TP53BP1: variants seen among roughly 807,000 people sequenced by gnomAD.
TP53BP1 encodes tumor protein p53 binding protein 1.
TP53BP1 carries 61 observed loss-of-function variants against 200.8 expected under a neutral mutation model. The ratio of observed to expected loss-of-function variants is 0.30; its 90% CI spans 0.25 to 0.38. TP53BP1 has a LOEUF of 0.38. TP53BP1 is among the 10% of genes least tolerant of loss of function. The pLI, the probability that TP53BP1 is intolerant of heterozygous loss-of-function variation, is 1.00. For missense variants in TP53BP1, 2,144 were observed against 2,371.9 expected (o/e 0.90, Z 2.00); for synonymous variants, 822 against 844.3 (o/e 0.97, Z 0.46).
At chr15:43,433,920 G>C (rs1019009260) in intron 16 of TP53BP1, among the ~76,000 whole-genome samples, 1 of 152,140 alleles carries the variant, frequency 6.6e-6, no homozygotes, top group African/African-American at 2.4e-5. Context: ...ACGTAGACAG[G>C]GTAAAGGAAG....
chr15:43,444,792 T>C (rs534389354), intron 14 of TP53BP1, among the ~76,000 whole-genome samples: 3 of 152,342 alleles, frequency 2.0e-5, no homozygotes, highest in East Asian at 1.9e-4. Flanking sequence ...CTATTCTGTG[T>C]AGTCTTCAAT....
At chr15:43,491,047 T>C (rs1174479217) in intron 4 of TP53BP1, among the ~76,000 whole-genome samples, 3 of 151,998 alleles carry the variant, frequency 2.0e-5, no homozygotes, top group Admixed American at 6.6e-5. Context: ...ATGGAAAACA[T>C]GCCTAATAGT....
chr15:43,434,799 GAC>G (rs1326509556), intron 16 of TP53BP1, among the ~76,000 whole-genome samples: 2 of 152,202 alleles, frequency 1.3e-5, no homozygotes, highest in Non-Finnish European at 2.9e-5. Flanking sequence ...AAGAGACTAA[GAC>G]ACCTCAGAAG....
chr15:43,434,004 T>C (rs1250032834), intron 16 of TP53BP1, among the ~76,000 whole-genome samples: 2 of 152,206 alleles, frequency 1.3e-5, no homozygotes, highest in African/African-American at 4.8e-5. Context: ...CTGAGGTTTC[T>C]ATATTGTTTA....
intron 17 of TP53BP1, among the ~76,000 whole-genome samples, chr15:43,429,575 C>T (rs772420846): frequency 6.6e-6 from 1 of 152,020 alleles, no homozygotes; most frequent in Non-Finnish European, 1.5e-5. Context: ...TAGTAATTTA[C>T]CAAAAGCTTT....
intron 11 of TP53BP1, among the ~76,000 whole-genome samples, chr15:43,466,680 G>T (rs920708804): frequency 1.8e-4 from 27 of 152,216 alleles, no homozygotes; most frequent in African/African-American, 6.5e-4. Flanking sequence ...AACATAGTGA[G>T]GTCCCATCTC....
chr15:43,457,429 A>G (rs1336846921), intron 11 of TP53BP1, among the ~76,000 whole-genome samples: 2 of 152,142 alleles, frequency 1.3e-5, no homozygotes, highest in Non-Finnish European at 2.9e-5. Context: ...CAGTTCTCAC[A>G]AAGTGGGGAT....
At chr15:43,455,350 T>C (rs2046268051) in intron 12 of TP53BP1, among the ~76,000 whole-genome samples, 1 of 152,174 alleles carries the variant, frequency 6.6e-6, no homozygotes, top group African/African-American at 2.4e-5. Flanking sequence ...TAAATATTTT[T>C]TACCAACTAG....
At chr15:43,461,282 C>T (rs1484396253) in intron 11 of TP53BP1, among the ~76,000 whole-genome samples, 3 of 151,588 alleles carry the variant, frequency 2.0e-5, no homozygotes, top group South Asian at 4.2e-4. Flanking sequence ...TGCAGTAATG[C>T]GATCATGGCT....
rs563303225 is a variant in TP53BP1 at position 43,483,684 on chromosome 15, G to C, written c.372-2662C>G. 1.8e-4 allele frequency among the ~76,000 whole-genome samples: 27 copies of C among 152,286 alleles called. No homozygotes were observed. The South Asian group carries it at 5.4e-3, about 30-fold the overall frequency. On this transcript the variant is annotated intron_variant, in intron 4 of 27. Transcript: ENST00000382044. ...TAAAGATTTTTACAAAAGCAAAATA[G>C]AACATTATCTATATAACTGGAAGGA... is the stretch of plus-strand genomic sequence containing the variant.
At chr15:43,432,916 T>TA (rs997430472) in intron 16 of TP53BP1, among the ~76,000 whole-genome samples, 1 of 152,084 alleles carries the variant, frequency 6.6e-6, no homozygotes, top group African/African-American at 2.4e-5. Context: ...ACCATGATGA[T>TA]AAAAGAGTCA....
intron 24 of TP53BP1, 80 bp from the exon 25 acceptor site, chr15:43,409,821 C>A: frequency 1.6e-6 from 1 of 622,894 alleles, no homozygotes; most frequent in Admixed American, 3.2e-5. Context: ...TCTTACTGCC[C>A]CCTTTTCCAC....
At chr15:43,480,750 T>G in intron 5 of TP53BP1, 145 bp downstream of exon 5, 1 of 967,034 alleles carries the variant, frequency 1.0e-6, no homozygotes, top group Non-Finnish European at 1.6e-6. Flanking sequence ...TGGAACATTT[T>G]AAATTACTAG....
At chr15:43,475,001 A>G (rs529303549) in intron 9 of TP53BP1, among the ~76,000 whole-genome samples, 7 of 152,374 alleles carry the variant, frequency 4.6e-5, no homozygotes, top group African/African-American at 1.7e-4. Context: ...AAAGAGAGTA[A>G]GGGCAAAGTG....
intron 11 of TP53BP1, among the ~76,000 whole-genome samples, chr15:43,469,389 G>C (rs918135271): frequency 6.6e-6 from 1 of 151,974 alleles, no homozygotes; most frequent in Non-Finnish European, 1.5e-5. Flanking sequence ...GAATTATTAC[G>C]ACACAACATT....
chr15:43,465,477 T>C (rs2046552930), intron 11 of TP53BP1, among the ~76,000 whole-genome samples: 1 of 151,594 alleles, frequency 6.6e-6, no homozygotes, highest in Non-Finnish European at 1.5e-5. Context: ...TGATCAAAAG[T>C]AGGAGGCAAA....
At chr15:43,499,887 T>C (rs748089681) in intron 1 of TP53BP1, among the ~76,000 whole-genome samples, 5 of 152,180 alleles carry the variant, frequency 3.3e-5, no homozygotes, top group Non-Finnish European at 7.4e-5. Flanking sequence ...AGATAAGACA[T>C]AGAAATAATG....
At chr15:43,419,366 A>T (rs1415397631) in intron 21 of TP53BP1, among the ~76,000 whole-genome samples, 1 of 151,738 alleles carries the variant, frequency 6.6e-6, no homozygotes, top group African/African-American at 2.4e-5. Context: ...CCTCTGTGGC[A>T]TATTTTTTTT....
chr15:43,421,731 G>A, intron 19 of TP53BP1, 124 bp downstream of exon 19: 4 of 1,312,632 alleles, frequency 3.0e-6, no homozygotes, highest in East Asian at 2.3e-5. Context: ...AGTGAAGAGG[G>A]GTAGTTGATT....
Sources: gnomAD v4.1 joint callset for allele counts (sites outside exome capture counted in the v4.1 genomes callset) on GRCh38, gnomAD v4.1.1 for gene constraint, MANE v1.5 for transcripts, NCBI Gene and HGNC (gene_info 2026-07-23, HGNC 2026-07-21) for gene names.